The following NCKAP5 variants were observed in gnomAD, a reference collection of about 807,000 sequenced individuals.
The protein encoded by NCKAP5 is nck-associated protein 5.
Under a neutral mutation model 167.0 loss-of-function variants are expected in NCKAP5, and 92 were observed. That is an observed-to-expected ratio of 0.55 (90% CI 0.47 to 0.66). The LOEUF is 0.66. Among genes scored for constraint, NCKAP5 ranks in the 30% least tolerant of loss-of-function variants. The pLI, the probability that NCKAP5 is intolerant of heterozygous loss-of-function variation, is 0.00. For synonymous variants in NCKAP5, 891 were observed against 877.4 expected (o/e 1.02, Z -0.27); for missense variants, 2,378 against 2,315.0 (o/e 1.03, Z -0.56).
intron 2 of NCKAP5, among the ~76,000 whole-genome samples, chr2:133,523,432 T>C (rs1261459780): frequency 6.6e-6 from 1 of 152,140 alleles, no homozygotes; most frequent in Non-Finnish European, 1.5e-5. Context: ...CATATATTAA[T>C]GGTATTGCCA....
intron 2 of NCKAP5, among the ~76,000 whole-genome samples, chr2:133,548,132 T>G (rs889751755): frequency 1.1e-4 from 17 of 149,794 alleles, no homozygotes; most frequent in African/African-American, 4.2e-4. Context: ...GTATCAGCAA[T>G]GGAAGATGAA....
chr2:133,224,303 G>C (rs573351953), intron 4 of NCKAP5, among the ~76,000 whole-genome samples: 1 of 152,166 alleles, frequency 6.6e-6, no homozygotes, highest in African/African-American at 2.4e-5. Context: ...TGCATCCAGA[G>C]CACAAACATA....
At chr2:133,674,795 T>C in the NCKAP5 span, among the ~76,000 whole-genome samples, 1 of 152,232 alleles carries the variant, frequency 6.6e-6, no homozygotes, top group African/African-American at 2.4e-5. Context: ...CGGATCTTCC[T>C]TCAAGAGTTT....
rs773157866 is a variant in NCKAP5 at position 132,783,976 on chromosome 2, A to G, written c.2835T>C (p.Tyr945=). 2.0e-5 allele frequency: 32 copies of G among 1,597,542 alleles called. No individual in the cohort carries two copies. Among genetic ancestry groups the G allele is most frequent in the Non-Finnish European group, 2.6e-5 (30 of 1,173,522 alleles). Residue 945 remains tyrosine, a synonymous_variant, in exon 14 of 20, where the codon TAT becomes TAC. Coordinates refer to ENST00000409261, the MANE Select transcript of NCKAP5 (RefSeq NM_207363.3). ...TGGATGAAGGTGCTGGTGAATAGTC[A>G]TAGCTGGGCCTGGCCAGCAGGGAGA... ...RSVSLLARPS[Y]DYSPAPSSTK... is the part of the protein sequence containing the mutation.
chr2:133,182,019 T>C (rs2084760320), intron 5 of NCKAP5, among the ~76,000 whole-genome samples: 4 of 152,028 alleles, frequency 2.6e-5, no homozygotes, highest in Admixed American at 2.6e-4. Context: ...ACAAGAGAGG[T>C]ACATCATAAA....
intron 8 of NCKAP5, among the ~76,000 whole-genome samples, chr2:132,895,147 C>A (rs58346788): frequency 5.3e-5 from 8 of 151,792 alleles, no homozygotes; most frequent in Non-Finnish European, 1.2e-4. Flanking sequence ...CTGGCTAACA[C>A]GGTGAAACCC....
In NCKAP5 at chr2:132,807,226, G is replaced by T. The variant is rs927293285; in HGVS notation, c.808-10497C>A. ...AGATTTGTTATTTTTGTTTAGTCTT[G>T]CTTTGGCTATGTGGCTCTTTTATGG... On this transcript the variant is annotated intron_variant, in intron 11 of 19. Transcript: ENST00000409261. Among the ~76,000 whole-genome samples, 12 of 152,062 alleles carry T rather than the reference G, an allele frequency of 7.9e-5. No homozygotes were observed. The South Asian group carries it at 8.3e-4, about 11-fold the overall frequency.
At chr2:132,870,134 G>A (rs1205819082) in intron 9 of NCKAP5, among the ~76,000 whole-genome samples, 1 of 152,140 alleles carries the variant, frequency 6.6e-6, no homozygotes, top group African/African-American at 2.4e-5. Flanking sequence ...TGTAAAACCA[G>A]TAACATGTTC....
At chr2:132,675,090 ATTTTTC>A (rs1684261764) in intron 19 of NCKAP5, among the ~76,000 whole-genome samples, 2 of 152,160 alleles carry the variant, frequency 1.3e-5, no homozygotes, top group Non-Finnish European at 2.9e-5. Flanking sequence ...AACCACAAGT[ATTTTTC>A]TTGCCTATTT....
chr2:133,380,016 GA>G (rs1036633301), intron 3 of NCKAP5, among the ~76,000 whole-genome samples: 10 of 151,470 alleles, frequency 6.6e-5, no homozygotes, highest in African/African-American at 2.2e-4. Flanking sequence ...ATGAGAGAGG[GA>G]AAAAAATTAT....
chr2:133,225,411 A>G (rs1421533779), intron 4 of NCKAP5, among the ~76,000 whole-genome samples: 1 of 152,176 alleles, frequency 6.6e-6, no homozygotes, highest in Admixed American at 6.5e-5. Flanking sequence ...CGGCCCCAAC[A>G]TAGTATCTGT....
At position 133,402,715 on chromosome 2, in the gene NCKAP5, C is replaced by T. The variant is rs528974146; in HGVS notation, c.70-99605G>A. Among the ~76,000 whole-genome samples the T allele has an allele frequency of 7.6e-4, 115 of 152,290 alleles. 1 individual carries two copies. The highest frequency in any genetic ancestry group is 6.0e-3 in the South Asian group (29 of 4,824). ...TCTTGCTTTCTCTCTCACCAAGTGA[C>T]ATGCCTGCTCCCCCTTCACTTTCCA... On this transcript the variant is annotated intron_variant, in intron 3 of 19. Coordinates refer to ENST00000409261, the MANE Select transcript of NCKAP5 (RefSeq NM_207363.3).
intron 16 of NCKAP5, among the ~76,000 whole-genome samples, chr2:132,759,178 AG>A (rs1168847868): frequency 1.3e-5 from 2 of 152,126 alleles, no homozygotes; most frequent in East Asian, 3.9e-4. Flanking sequence ...TTGCAGCTGA[AG>A]TTCATTAATT....
intron 6 of NCKAP5, among the ~76,000 whole-genome samples, chr2:133,013,052 T>C (rs1559049980): frequency 6.6e-6 from 1 of 152,202 alleles, no homozygotes; most frequent in African/African-American, 2.4e-5. Context: ...TTCAGGAGTA[T>C]AAAGCCTGGG....
chr2:132,817,514 G>T (rs905177988), intron 11 of NCKAP5, among the ~76,000 whole-genome samples: 2 of 152,146 alleles, frequency 1.3e-5, no homozygotes, highest in Non-Finnish European at 2.9e-5. Context: ...ATGTTTTTGT[G>T]TATAAAGAGG....
chr2:133,321,961 T>TA (rs1265195567), intron 3 of NCKAP5, among the ~76,000 whole-genome samples: 1 of 152,194 alleles, frequency 6.6e-6, no homozygotes, highest in African/African-American at 2.4e-5. Flanking sequence ...CAATATTAAT[T>TA]AGGTAAAACT....
At chr2:132,693,355 C>T (rs1436134926) in intron 19 of NCKAP5, among the ~76,000 whole-genome samples, 1 of 151,854 alleles carries the variant, frequency 6.6e-6, no homozygotes, top group Non-Finnish European at 1.5e-5. Flanking sequence ...AACTGGGGTC[C>T]TTATGAGAAG....
rs1374986304 is a variant in NCKAP5, at chr2:133,162,909, T to A, written c.208-32798A>T. ...CGTTATTTTTTTCCATGTGAGAAAATGCATTATTGTGAAGGTTCAGAGACA... is the reference window on the plus strand; with the variant it reads ...CGTTATTTTTTTCCATGTGAGAAAAAGCATTATTGTGAAGGTTCAGAGACA... On this transcript the variant is annotated intron_variant, in intron 5 of 19. Coordinates refer to ENST00000409261, the MANE Select transcript of NCKAP5 (RefSeq NM_207363.3). 2.0e-5 allele frequency among the ~76,000 whole-genome samples: 3 copies of A among 152,014 alleles called. No individual in the cohort carries two copies. The East Asian group carries it at 5.8e-4, about 29-fold the overall frequency.
intron 4 of NCKAP5, among the ~76,000 whole-genome samples, chr2:133,288,150 G>A (rs1395360169): frequency 6.6e-6 from 1 of 151,932 alleles, no homozygotes; most frequent in Non-Finnish European, 1.5e-5. Context: ...TTTTTATTCT[G>A]AGCATGGGAA....
Sources: allele counts gnomAD v4.1 joint callset (sites outside exome capture counted in the v4.1 genomes callset), GRCh38; gene constraint gnomAD v4.1.1; transcripts MANE v1.5; gene names NCBI Gene and HGNC (gene_info 2026-07-23, HGNC 2026-07-21).